The following TBCD variants were observed in gnomAD, a reference collection of about 807,000 sequenced individuals.
TBCD encodes tubulin folding cofactor D.
In TBCD, 105 loss-of-function variants were observed where a neutral mutation model predicts 169.3. The ratio of observed to expected loss-of-function variants is 0.62; its 90% confidence interval spans 0.53 to 0.73. The LOEUF (loss-of-function observed/expected upper bound fraction) is 0.73, where lower values mean the gene tolerates loss of function less well. TBCD is among the 30% of genes least tolerant of loss of function. The pLI, the probability that TBCD is intolerant of heterozygous loss-of-function variation, is 0.00. For synonymous variants in TBCD, 700 were observed against 643.9 expected (o/e 1.09, Z -1.32); for missense variants, 1,444 against 1,600.1 (o/e 0.90, Z 1.66).
intron 13 of TBCD, among the ~76,000 whole-genome samples, chr17:82,848,998 C>T (rs1308651738): frequency 1.5e-3 from 29 of 19,596 alleles, no homozygotes; most frequent in Non-Finnish European, 2.0e-3. Flanking sequence ...CCCCCTCTGC[C>T]TGCTGCGTCT....
Position 82,861,926 on chromosome 17 carries a change from C to CT in TBCD, c.1319-8290dup, listed in dbSNP as rs543296464. ...AAACCTGAAGGTCTTTTTTTTTTTT[C>CT]TTTTTTTTGAGACAGAGTCTCGCTG... On this transcript the variant is annotated intron_variant, in intron 13 of 38. Coordinates refer to ENST00000355528, the MANE Select transcript of TBCD (RefSeq NM_005993.5). Among the ~76,000 whole-genome samples the CT allele has an allele frequency of 9.6e-3, 1,291 of 134,726 alleles. 15 individuals are homozygous for CT. Among genetic ancestry groups the CT allele is most frequent in the African/African-American group, 0.034 (1,245 of 36,516 alleles). 88.4% of individuals were successfully genotyped at this position (134,726 alleles called of 152,430 possible). A position where few individuals can be genotyped will look rare whatever the true frequency, so the allele number is the denominator to read the frequency against.
At chr17:82,850,130 G>GCC in intron 13 of TBCD, among the ~76,000 whole-genome samples, 1 of 88,024 alleles carries the variant, frequency 1.1e-5, no homozygotes, top group East Asian at 3.6e-4. Flanking sequence ...TGGCTGTGTT[G>GCC]TTGTTGGCTG....
At chr17:82,905,850 C>T (rs1351577143) in intron 19 of TBCD, 86 bp from the exon 20 acceptor site, 39 of 1,088,840 alleles carry the variant, frequency 3.6e-5, no homozygotes, top group Admixed American at 1.1e-4. Context: ...CCTGCCCTCC[C>T]GGCCCTGTGT....
intron 13 of TBCD, among the ~76,000 whole-genome samples, chr17:82,826,127 G>A (rs564279154): frequency 3.9e-5 from 6 of 152,136 alleles, no homozygotes; most frequent in East Asian, 1.9e-4. Flanking sequence ...TATCTGCAAC[G>A]AAAGAAAATA....
intron 14 of TBCD, among the ~76,000 whole-genome samples, chr17:82,876,194 C>T (rs535671095): frequency 2.6e-5 from 4 of 152,186 alleles, no homozygotes; most frequent in Non-Finnish European, 5.9e-5. Flanking sequence ...CAAGTCGAGG[C>T]GTGCACTTCC....
At chr17:82,770,230 C>T (rs746564840) in intron 5 of TBCD, among the ~76,000 whole-genome samples, 22 of 152,166 alleles carry the variant, frequency 1.4e-4, no homozygotes, top group Non-Finnish European at 2.6e-4. Context: ...GGAAAAGGTA[C>T]TCCATTGTAA....
chr17:82,924,892 C>T (rs190191376), intron 26 of TBCD, 47 bp from the exon 27 acceptor site: 63 of 1,474,654 alleles, frequency 4.3e-5, no homozygotes, highest in Middle Eastern at 3.4e-4. Flanking sequence ...TGGCTGTACA[C>T]GATGGGCAGC....
intron 37 of TBCD, among the ~76,000 whole-genome samples, chr17:82,940,381 T>G (rs1174947107): frequency 6.6e-6 from 1 of 151,934 alleles, no homozygotes; most frequent in African/African-American, 2.4e-5. Flanking sequence ...CTGCTCTGTT[T>G]TGAGTGCCGA....
At chr17:82,847,435 G>A (rs984458017) in intron 13 of TBCD, among the ~76,000 whole-genome samples, 10 of 151,458 alleles carry the variant, frequency 6.6e-5, no homozygotes, top group South Asian at 2.1e-4. Context: ...ACAACTCAGC[G>A]ATGCAGAGAA....
intron 14 of TBCD, among the ~76,000 whole-genome samples, chr17:82,882,112 C>T (rs1182163048): frequency 2.0e-5 from 3 of 151,964 alleles, no homozygotes; most frequent in African/African-American, 7.2e-5. Context: ...AGTCACATGC[C>T]CCAGCTTCTC....
At chr17:82,819,837 A>G (rs1018014353) in intron 13 of TBCD, among the ~76,000 whole-genome samples, 1 of 151,972 alleles carries the variant, frequency 6.6e-6, no homozygotes, top group Non-Finnish European at 1.5e-5. Context: ...CTCCTCTTTG[A>G]ACACCTCTGT....
At chr17:82,795,723 C>A in intron 7 of TBCD, 1 of 544,418 alleles carries the variant, frequency 1.8e-6, no homozygotes, top group Non-Finnish European at 2.3e-6. Flanking sequence ...GGGTGGGGTG[C>A]AGGGGGCCGT....
intron 7 of TBCD, among the ~76,000 whole-genome samples, chr17:82,794,263 G>A (rs751145435): frequency 3.9e-5 from 6 of 151,936 alleles, no homozygotes; most frequent in Non-Finnish European, 7.4e-5. Context: ...CCAGGGGGGG[G>A]AAGCTGGCTC....
intron 13 of TBCD, among the ~76,000 whole-genome samples, chr17:82,869,818 T>A (rs558255283): frequency 6.6e-6 from 1 of 151,966 alleles, no homozygotes; most frequent in Admixed American, 6.5e-5. Flanking sequence ...GGCATCTGCG[T>A]CTCTCCCTCC....
At position 82,864,455 on chromosome 17, in the gene TBCD, G is replaced by A. The variant is rs944457694; in HGVS notation, c.1319-5769G>A. 6.6e-6 allele frequency: 1 copy of A among 152,232 alleles called. No individual in the cohort carries two copies. Among genetic ancestry groups the A allele is most frequent in the Non-Finnish European group, 1.5e-5 (1 of 68,062 alleles). The allele number at this position is 152,232 out of a possible 1,614,324, so 9.4% of individuals were successfully genotyped here. A position where few individuals can be genotyped will look rare whatever the true frequency, so the allele number is the denominator to read the frequency against. ...AAGAATCTGAGCTTGGTGACAGTTGGGTGACCCGGGCTCTGTGTCTTCGTG... is the reference window on the plus strand; with the variant it reads ...AAGAATCTGAGCTTGGTGACAGTTGAGTGACCCGGGCTCTGTGTCTTCGTG... On this transcript the variant is annotated intron_variant, in intron 13 of 38. Coordinates refer to ENST00000355528, the MANE Select transcript of TBCD (RefSeq NM_005993.5). This position sits in a 1 kb window ranked among gnomAD's most constrained non-coding sequence, Gnocchi z 6.3.
chr17:82,872,033 C>A (rs549053298), intron 14 of TBCD, among the ~76,000 whole-genome samples: 13 of 152,310 alleles, frequency 8.5e-5, no homozygotes, highest in Admixed American at 7.8e-4. Context: ...TTCCATCTTA[C>A]CAAATACTCA....
chr17:82,830,559 AG>A, intron 13 of TBCD: 1 of 1,614,012 alleles, frequency 6.2e-7, no homozygotes. Flanking sequence ...CTTCTGTCCC[AG>A]TCTTCTGTGG....
rs1352625032 is a variant in TBCD at position 82,835,408 on chromosome 17, T to C, written c.1318+20474T>C. ...CTCAGCAAACTGGTTTCTCTACTGATTTATTCATATTTCTTTCTTTCTTTC... is the reference window on the plus strand; with the variant it reads ...CTCAGCAAACTGGTTTCTCTACTGACTTATTCATATTTCTTTCTTTCTTTC... On this transcript the variant is annotated intron_variant, in intron 13 of 38. Transcript: ENST00000355528. The surrounding 1 kb of genome is among the most constrained non-coding windows in gnomAD (Gnocchi z 4.5). Among the ~76,000 whole-genome samples, 3 of 150,370 alleles carry C rather than the reference T, an allele frequency of 2.0e-5. No homozygotes were observed. Among genetic ancestry groups the C allele is most frequent in the African/African-American group, 7.2e-5 (3 of 41,382 alleles).
rs1212913841 is a variant in TBCD at position 82,833,203 on chromosome 17, T to G, written c.1318+18269T>G. ...GTGCCCCTCACTTTTACACAGAGCG[T>G]GGGCTGGCCACCGTCTACTTGCTCC... On this transcript the variant is annotated intron_variant, in intron 13 of 38. Transcript: ENST00000355528. The surrounding 1 kb of genome is among the most constrained non-coding windows in gnomAD (Gnocchi z 4.7). Among the ~76,000 whole-genome samples, 1 of 152,058 alleles carries G rather than the reference T, an allele frequency of 6.6e-6. No homozygotes were observed. The highest frequency in any genetic ancestry group is 1.5e-5 in the Non-Finnish European group (1 of 68,014).
Sources: gnomAD v4.1 joint callset for allele counts (sites outside exome capture counted in the v4.1 genomes callset) on GRCh38, gnomAD v4.1.1 for gene constraint, Gnocchi (gnomAD v3.1) non-coding constraint, MANE v1.5 for transcripts, NCBI Gene and HGNC (gene_info 2026-07-23, HGNC 2026-07-21) for gene names.